KAZN: variants seen among roughly 807,000 people sequenced by gnomAD.
KAZN encodes kazrin, periplakin interacting protein.
Under a neutral mutation model 87.4 loss-of-function variants are expected in KAZN, and 40 were observed. The ratio of observed to expected loss-of-function variants is 0.46; its 90% CI spans 0.36 to 0.60. The LOEUF (loss-of-function observed/expected upper bound fraction) is 0.60, where lower values mean the gene tolerates loss of function less well. KAZN is among the 20% of genes least tolerant of loss of function. The pLI, the probability that KAZN is intolerant of heterozygous loss-of-function variation, is 0.00. For missense variants in KAZN, 898 were observed against 1,073.9 expected (o/e 0.84, Z 2.29); for synonymous variants, 466 against 458.3 (o/e 1.02, Z -0.22).
intron 1 of KAZN, among the ~76,000 whole-genome samples, chr1:14,832,169 C>A (rs932364719): frequency 1.3e-5 from 2 of 150,938 alleles, no homozygotes; most frequent in African/African-American, 4.9e-5. Context: ...GCGCTCCAGC[C>A]TGGGCAACAA....
In KAZN at chr1:15,021,908, C is replaced by A. The variant is rs1338983323; in HGVS notation, c.419-12841C>A. On this transcript the variant is annotated intron_variant, in intron 2 of 14. Coordinates refer to ENST00000376030, the MANE Select transcript of KAZN (RefSeq NM_201628.3). This position sits in a 1 kb window ranked among gnomAD's most constrained non-coding sequence, Gnocchi z 4.2. ...AAAGAGGTTGGGGAGGCCTCATAATCATGGCGGAAGGCAAAAGACACTTCT... is the reference window on the plus strand; with the variant it reads ...AAAGAGGTTGGGGAGGCCTCATAATAATGGCGGAAGGCAAAAGACACTTCT... 1.3e-5 allele frequency among the ~76,000 whole-genome samples: 2 copies of A among 152,104 alleles called. No homozygotes were observed. Among genetic ancestry groups the A allele is most frequent in the African/African-American group, 4.8e-5 (2 of 41,412 alleles).
intron 3 of KAZN, among the ~76,000 whole-genome samples, chr1:15,038,207 T>C (rs1672529996): frequency 6.6e-6 from 1 of 152,038 alleles, no homozygotes; most frequent in South Asian, 2.1e-4. Context: ...TGAGCCCAGA[T>C]TGTGCCACTG....
chr1:15,082,569 C>G (rs898284720), intron 8 of KAZN, among the ~76,000 whole-genome samples: 22 of 152,362 alleles, frequency 1.4e-4, no homozygotes, highest in Admixed American at 1.3e-3. Flanking sequence ...CTGCCAATGG[C>G]ACTCTGAGGT....
At chr1:14,022,564 A>T (rs1218379846) in intron 1 of KAZN, among the ~76,000 whole-genome samples, 2 of 142,940 alleles carry the variant, frequency 1.4e-5, no homozygotes, top group African/African-American at 5.9e-5. Flanking sequence ...TGTGGATTTT[A>T]TATGTCGTAT....
intron 1 of KAZN, among the ~76,000 whole-genome samples, chr1:14,146,705 GA>G (rs34508324): frequency 0.054 from 7,343 of 137,226 alleles, 230 homozygotes; most frequent in African/African-American, 0.08. Flanking sequence ...GATCATCTCA[GA>G]AAAAAAAAAA....
At chr1:14,231,821 T>G (rs12755154) in intron 2 of KAZN, among the ~76,000 whole-genome samples, 46,225 of 152,144 alleles carry the variant, frequency 0.3, 7,215 homozygotes, top group East Asian at 0.48. Flanking sequence ...TTATTTCTCA[T>G]TCATAGAAAT....
chr1:14,180,734 G>T, intron 2 of KAZN: 1 of 631,776 alleles, frequency 1.6e-6, no homozygotes, highest in Non-Finnish European at 2.7e-6. Context: ...GTTGAGTATT[G>T]GATTTCTGAT....
At chr1:14,926,126 T>G (rs1422048182) in intron 1 of KAZN, among the ~76,000 whole-genome samples, 1 of 152,184 alleles carries the variant, frequency 6.6e-6, no homozygotes, top group Non-Finnish European at 1.5e-5. Flanking sequence ...CTGTCAGTGC[T>G]CCCACTGACT....
chr1:14,826,633 A>G (rs1414176723), intron 1 of KAZN, among the ~76,000 whole-genome samples: 1 of 151,990 alleles, frequency 6.6e-6, no homozygotes, highest in African/African-American at 2.4e-5. Flanking sequence ...TGTCGGTTTC[A>G]CATGCATGCC....
At chr1:14,920,483 C>A (rs6692559) in intron 1 of KAZN, among the ~76,000 whole-genome samples, 63,254 of 151,120 alleles carry the variant, frequency 0.42, 14,601 homozygotes, top group Non-Finnish European at 0.51. Flanking sequence ...TGCTGTCTTT[C>A]CGGACCCCCA....
chr1:14,379,419 T>C (rs1446695140), intron 2 of KAZN, among the ~76,000 whole-genome samples: 2 of 152,018 alleles, frequency 1.3e-5, no homozygotes, highest in Non-Finnish European at 2.9e-5. Flanking sequence ...CACAGAGAAG[T>C]AAAGCACCAA....
intron 4 of KAZN, among the ~76,000 whole-genome samples, chr1:15,050,483 C>A (rs963492350): frequency 1.3e-5 from 2 of 152,188 alleles, no homozygotes; most frequent in Non-Finnish European, 2.9e-5. Context: ...CAGGCCCAGA[C>A]GAGAGGCAGG....
At chr1:15,090,756 G>C (rs1640495688) in intron 8 of KAZN, among the ~76,000 whole-genome samples, 1 of 152,186 alleles carries the variant, frequency 6.6e-6, no homozygotes, top group African/African-American at 2.4e-5. Context: ...TCCCAGCACG[G>C]ACAGCCCGTC....
chr1:14,605,520 A>G (rs576800695), intron 1 of KAZN, among the ~76,000 whole-genome samples: 15 of 152,232 alleles, frequency 9.9e-5, no homozygotes, highest in Non-Finnish European at 1.9e-4. Flanking sequence ...ACATACTTTT[A>G]TGCCCCATGT....
chr1:15,067,337 CAA>C (rs1557775691), intron 8 of KAZN: 15 of 985,382 alleles, frequency 1.5e-5, no homozygotes, highest in Non-Finnish European at 1.7e-5. Flanking sequence ...CCCCAGGAGA[CAA>C]GAGCTGGCAG....
intron 1 of KAZN, among the ~76,000 whole-genome samples, chr1:13,967,128 C>G (rs1641974834): frequency 6.6e-6 from 1 of 152,006 alleles, no homozygotes; most frequent in Non-Finnish European, 1.5e-5. Flanking sequence ...TTTTTCAAAG[C>G]TTTTTATTTT....
At chr1:14,162,282 A>G (rs1645725449) in intron 1 of KAZN, among the ~76,000 whole-genome samples, 1 of 152,230 alleles carries the variant, frequency 6.6e-6, no homozygotes. Context: ...CATATCTGTC[A>G]ATATAGTTCT....
chr1:14,578,942 G>A (rs984878072), intron 2 of KAZN, among the ~76,000 whole-genome samples: 5 of 152,156 alleles, frequency 3.3e-5, no homozygotes, highest in African/African-American at 1.2e-4. Context: ...TCTTGAAGCT[G>A]AGGACCAAAA....
chr1:14,642,032 G>T (rs1680443567), intron 1 of KAZN, among the ~76,000 whole-genome samples: 1 of 152,196 alleles, frequency 6.6e-6, no homozygotes, highest in African/African-American at 2.4e-5. Context: ...ATACTTTGCA[G>T]AAGAGGATAT....
Sources: allele counts gnomAD v4.1 joint callset (sites outside exome capture counted in the v4.1 genomes callset), GRCh38; gene constraint gnomAD v4.1.1; non-coding constraint Gnocchi (gnomAD v3.1); transcripts MANE v1.5; gene names NCBI Gene and HGNC (gene_info 2026-07-23, HGNC 2026-07-21).